Variants in PEBP4 observed in about 807,000 individuals in gnomAD.
The protein encoded by PEBP4 is phosphatidylethanolamine binding protein 4, also known as phosphatidylethanolamine-binding protein 4.
Under a neutral mutation model 23.9 loss-of-function variants are expected in PEBP4, and 22 were observed. The observed-to-expected ratio is 0.92, with a 90% CI of 0.66 to 1.31. The LOEUF is 1.31. Among genes scored for constraint, PEBP4 ranks in the 40% most tolerant of loss-of-function variants. The pLI is 0.00. For synonymous variants in PEBP4, 112 were observed against 99.3 expected (o/e 1.13, Z -0.76); for missense variants, 324 against 281.7 (o/e 1.15, Z -1.07).
At chr8:22,847,803 T>C (rs574659330) in intron 3 of PEBP4, among the ~76,000 whole-genome samples, 1 of 152,160 alleles carries the variant, frequency 6.6e-6, no homozygotes, top group Admixed American at 6.5e-5. Flanking sequence ...TGAGCAACCC[T>C]GCTCAACCCC....
intron 4 of PEBP4, among the ~76,000 whole-genome samples, chr8:22,776,987 G>C (rs1486934264): frequency 6.6e-6 from 1 of 151,820 alleles, no homozygotes; most frequent in Non-Finnish European, 1.5e-5. Flanking sequence ...GGGGACATGG[G>C]AAGGGCACCG....
chr8:22,765,105 CTTCCT>C (rs1246688057), intron 4 of PEBP4, among the ~76,000 whole-genome samples: 2 of 148,716 alleles, frequency 1.3e-5, no homozygotes, highest in African/African-American at 5.0e-5. Flanking sequence ...TTCCTTCTTC[CTTCCT>C]TTATTTCTTC....
chr8:22,878,614 C>A (rs931785429), intron 3 of PEBP4, among the ~76,000 whole-genome samples: 4 of 152,180 alleles, frequency 2.6e-5, no homozygotes, highest in African/African-American at 9.6e-5. Context: ...GGTTTGGGTA[C>A]TCTGGCCTCC....
intron 3 of PEBP4, chr8:22,880,686 G>C (rs972951577): frequency 7.2e-5 from 11 of 152,726 alleles, no homozygotes; most frequent in African/African-American, 2.7e-4. Flanking sequence ...TGCCCTTCCC[G>C]ATACCTTCCT....
intron 4 of PEBP4, among the ~76,000 whole-genome samples, chr8:22,736,767 C>T (rs570488743): frequency 6.6e-5 from 10 of 152,270 alleles, no homozygotes; most frequent in South Asian, 2.1e-4. Flanking sequence ...GTTGCCGGGA[C>T]GCCTCATTTA....
intron 4 of PEBP4, among the ~76,000 whole-genome samples, chr8:22,796,752 G>A (rs755701710): frequency 6.6e-6 from 1 of 152,112 alleles, no homozygotes; most frequent in East Asian, 1.9e-4. Context: ...GGCTCCGCAT[G>A]GACATACAGA....
chr8:22,871,636 C>G (rs1463813706), intron 3 of PEBP4, among the ~76,000 whole-genome samples: 2 of 148,460 alleles, frequency 1.3e-5, no homozygotes, highest in African/African-American at 5.0e-5. Context: ...CTCACTGCAA[C>G]CTCCAACTCC....
rs150836875 is a variant in PEBP4 at position 22,759,700 on chromosome 8, T to A, written c.358-32480A>T. The stretch of plus-strand genomic sequence containing the variant: ...TCTTGATTCCTTTCTTTTTGAGAAA[T>A]GCAGAGAGAAGTTATGTAGTTCCTC... On this transcript the variant is annotated intron_variant, in intron 4 of 6. Coordinates refer to ENST00000256404, the MANE Select transcript of PEBP4 (RefSeq NM_144962.3). Among the ~76,000 whole-genome samples the A allele has an allele frequency of 2.7e-3, 418 of 152,264 alleles. 2 individuals are homozygous for A. The highest frequency in any genetic ancestry group is 9.9e-3 in the African/African-American group (412 of 41,550).
chr8:22,819,666 G>C (rs761466089), intron 3 of PEBP4, among the ~76,000 whole-genome samples: 32 of 152,170 alleles, frequency 2.1e-4, no homozygotes, highest in Non-Finnish European at 3.7e-4. Flanking sequence ...GAGTGCAGTG[G>C]TGTGATCTCG....
At chr8:22,926,922 G>A (rs1452970428) in intron 2 of PEBP4, among the ~76,000 whole-genome samples, 1 of 152,180 alleles carries the variant, frequency 6.6e-6, no homozygotes, top group Non-Finnish European at 1.5e-5. Context: ...CATCAGTTTG[G>A]CCTGGGGAGT....
intron 1 of PEBP4, among the ~76,000 whole-genome samples, chr8:22,939,204 T>C (rs1809578380): frequency 6.6e-6 from 1 of 151,830 alleles, no homozygotes; most frequent in Non-Finnish European, 1.5e-5. Context: ...GAGAATGGAG[T>C]GAAATATTTT....
chr8:22,830,975 C>T (rs527799601), intron 3 of PEBP4, among the ~76,000 whole-genome samples: 8 of 152,320 alleles, frequency 5.3e-5, no homozygotes, highest in African/African-American at 1.9e-4. Flanking sequence ...TTAATGTGTT[C>T]TACAAGGTGT....
chr8:22,900,439 A>C (rs546192366), intron 3 of PEBP4, among the ~76,000 whole-genome samples: 1 of 152,138 alleles, frequency 6.6e-6, no homozygotes, highest in African/African-American at 2.4e-5. Flanking sequence ...ACTTGAGGCC[A>C]GGGGTTCGAG....
chr8:22,811,688 G>A (rs901316652), intron 4 of PEBP4, among the ~76,000 whole-genome samples: 3 of 152,196 alleles, frequency 2.0e-5, no homozygotes, highest in African/African-American at 7.2e-5. Flanking sequence ...AGGTCACAGG[G>A]GATCCCTAGA....
chr8:22,816,356 GC>G (rs969478145), intron 4 of PEBP4, among the ~76,000 whole-genome samples: 59 of 152,306 alleles, frequency 3.9e-4, no homozygotes, highest in African/African-American at 1.3e-3. Context: ...CGTGGGAGGG[GC>G]CCCGGTCACT....
intron 4 of PEBP4, among the ~76,000 whole-genome samples, chr8:22,803,744 T>C (rs1806437986): frequency 2.0e-5 from 3 of 152,174 alleles, no homozygotes; most frequent in Admixed American, 1.3e-4. Flanking sequence ...AGACTCCCCC[T>C]TGTCTCCTCA....
intron 3 of PEBP4, among the ~76,000 whole-genome samples, chr8:22,880,129 C>T (rs1486501027): frequency 6.6e-6 from 1 of 152,130 alleles, no homozygotes; most frequent in African/African-American, 2.4e-5. Context: ...GGGCTCTGCC[C>T]AGGGCCAGGA....
intron 3 of PEBP4, among the ~76,000 whole-genome samples, chr8:22,906,656 T>C (rs1808821693): frequency 6.6e-6 from 1 of 152,262 alleles, no homozygotes; most frequent in African/African-American, 2.4e-5. Context: ...CATCCTCATC[T>C]ACCAAATTCT....
chr8:22,881,670 C>A (rs929681638), intron 3 of PEBP4, among the ~76,000 whole-genome samples: 2 of 152,186 alleles, frequency 1.3e-5, no homozygotes, highest in African/African-American at 2.4e-5. Flanking sequence ...GGAATAACTC[C>A]CCCTGGAATG....
Sources: allele counts gnomAD v4.1 joint callset (sites outside exome capture counted in the v4.1 genomes callset), GRCh38; gene constraint gnomAD v4.1.1; transcripts MANE v1.5; gene names NCBI Gene and HGNC (gene_info 2026-07-23, HGNC 2026-07-21).